Variants in ERC1 observed in about 807,000 individuals in gnomAD.
ERC1 encodes the protein RAB6 interacting protein 2.
A neutral mutation model predicts 132.0 loss-of-function variants in ERC1; 56 were observed. The observed-to-expected ratio is 0.42, with a 90% confidence interval of 0.34 to 0.53. The LOEUF (loss-of-function observed/expected upper bound fraction) is 0.53, where lower values mean the gene tolerates loss of function less well. Among genes scored for constraint, ERC1 ranks in the 20% least tolerant of loss-of-function variants. ERC1 has a pLI of 0.03. For synonymous variants in ERC1, 478 were observed against 476.1 expected, an observed-to-expected ratio of 1.00 and a Z score of -0.05; for missense variants, 1,202 against 1,349.9, an observed-to-expected ratio of 0.89 and a Z score of 1.72.
At chr12:1,489,902 GACTA>G (rs1330871793) in intron 18 of ERC1, among the ~76,000 whole-genome samples, 187 bp from the exon 19 acceptor site, 1 of 152,180 alleles carries the variant, frequency 6.6e-6, no homozygotes, top group African/African-American at 2.4e-5. Context: ...TAGAACCAGT[GACTA>G]ACTTTTTGGG....
chr12:1,485,370 A>C (rs1428117210), intron 18 of ERC1, among the ~76,000 whole-genome samples: 1 of 150,404 alleles, frequency 6.6e-6, no homozygotes, highest in African/African-American at 2.5e-5. Flanking sequence ...ACGCCTGGCT[A>C]GTTTTTGTAT....
At chr12:1,312,710 C>T (rs1323461308) in intron 15 of ERC1, among the ~76,000 whole-genome samples, 1 of 152,122 alleles carries the variant, frequency 6.6e-6, no homozygotes, top group East Asian at 1.9e-4. Context: ...TTGGTTGATT[C>T]TTACCTCACT....
intron 12 of ERC1, 63 bp downstream of exon 12, chr12:1,190,115 G>C (rs1399863428): frequency 1.4e-6 from 2 of 1,395,342 alleles, no homozygotes; most frequent in Admixed American, 1.7e-5. Context: ...GTATGCTTTT[G>C]GGGACATACT....
At chr12:994,309 G>A (rs1960339618) in intron 1 of ERC1, among the ~76,000 whole-genome samples, 1 of 152,000 alleles carries the variant, frequency 6.6e-6, no homozygotes, top group African/African-American at 2.4e-5. Context: ...CAGATTATGT[G>A]GAATATAATT....
intron 15 of ERC1, among the ~76,000 whole-genome samples, chr12:1,323,264 A>G (rs2082236181): frequency 6.6e-6 from 1 of 152,168 alleles, no homozygotes; most frequent in Non-Finnish European, 1.5e-5. Context: ...TGGGGAAAAA[A>G]AAAGGCTACA....
intron 1 of ERC1, among the ~76,000 whole-genome samples, chr12:999,609 ATTTTTTTT>A (rs10661786): frequency 9.7e-6 from 1 of 102,950 alleles, no homozygotes; most frequent in African/African-American, 4.0e-5. Flanking sequence ...GTGCTAGGTG[ATTTTTTTT>A]TTTTTTTTTT....
intron 15 of ERC1, among the ~76,000 whole-genome samples, chr12:1,324,308 T>C (rs2082309312): frequency 6.6e-6 from 1 of 152,168 alleles, no homozygotes; most frequent in Admixed American, 6.5e-5. Context: ...CTCCAAAGTC[T>C]ACCCTAGGAG....
intron 13 of ERC1, among the ~76,000 whole-genome samples, chr12:1,247,700 G>A (rs2076240076): frequency 6.6e-6 from 1 of 152,114 alleles, no homozygotes; most frequent in Non-Finnish European, 1.5e-5. Flanking sequence ...GTTTAATTAG[G>A]AATGTAGCTG....
chr12:1,178,219 T>G (rs753483150), intron 8 of ERC1, among the ~76,000 whole-genome samples: 10 of 152,220 alleles, frequency 6.6e-5, no homozygotes, highest in Admixed American at 1.3e-4. Context: ...TTGTACTAAA[T>G]TTATTAATGT....
chr12:1,224,899 G>A (rs943038409), intron 12 of ERC1, among the ~76,000 whole-genome samples: 1 of 152,020 alleles, frequency 6.6e-6, no homozygotes, highest in Non-Finnish European at 1.5e-5. Context: ...GCTGACATAG[G>A]ACGATCATTT....
chr12:1,194,668 G>A (rs1443124112), intron 12 of ERC1, among the ~76,000 whole-genome samples: 2 of 152,096 alleles, frequency 1.3e-5, no homozygotes, highest in Non-Finnish European at 2.9e-5. Flanking sequence ...GATTCACAGA[G>A]TTTAGTGTTT....
intron 16 of ERC1, chr12:1,381,322 A>G (rs2088630280): frequency 6.6e-6 from 1 of 152,188 alleles, no homozygotes; most frequent in African/African-American, 2.4e-5. Context: ...TTCAGTCTAT[A>G]ATAATTCAAC....
At chr12:1,187,967 C>A (rs1007585551) in intron 11 of ERC1, among the ~76,000 whole-genome samples, 2 of 152,198 alleles carry the variant, frequency 1.3e-5, no homozygotes, top group African/African-American at 4.8e-5. Context: ...GCGACACTTT[C>A]TAAGCTGAGA....
At position 1,424,862 on chromosome 12, in the gene ERC1, A is replaced by C. The variant is rs1471422931; in HGVS notation, c.3024+16615A>C. 1.6e-3 allele frequency among the ~76,000 whole-genome samples: 156 copies of C among 97,400 alleles called. 1 individual carries two copies. Among genetic ancestry groups the C allele is most frequent in the African/African-American group, 6.5e-3 (141 of 21,604 alleles). The allele number at this position is 97,400 out of a possible 152,430, so 63.9% of individuals were successfully genotyped here. ...AGATAGATGATAGATAGATAGATAG[A>C]TCGATAGATAGATAGATAGATAGAT... is the stretch of plus-strand genomic sequence containing the variant. On this transcript the variant is annotated intron_variant, in intron 17 of 18. Transcript: ENST00000360905.
At position 1,068,076 on chromosome 12, in the gene ERC1, C is replaced by T. The variant is rs796724586; in HGVS notation, c.670-15088C>T. 2.7e-4 allele frequency among the ~76,000 whole-genome samples: 41 copies of T among 151,786 alleles called. 1 individual carries two copies. Among genetic ancestry groups the T allele is most frequent in the African/African-American group, 9.2e-4 (38 of 41,420 alleles). Reference sequence around the variant, plus strand: ...CCTCCCAAGTAGCTGGGACTATAGGCGCCCACCACCAAGCCCAGCTAATTT... The same window carrying T: ...CCTCCCAAGTAGCTGGGACTATAGGTGCCCACCACCAAGCCCAGCTAATTT... On this transcript the variant is annotated intron_variant, in intron 2 of 18. Coordinates refer to ENST00000360905, the MANE Select transcript of ERC1 (RefSeq NM_178040.4).
At chr12:1,001,523 G>C (rs114974284) in intron 1 of ERC1, among the ~76,000 whole-genome samples, 4,626 of 152,248 alleles carry the variant, frequency 0.03, 89 homozygotes, top group Middle Eastern at 0.065. Context: ...TCACAACCCA[G>C]TCCTTCTCTC....
intron 13 of ERC1, among the ~76,000 whole-genome samples, chr12:1,243,019 C>T (rs11061672): frequency 6.6e-6 from 1 of 151,160 alleles, no homozygotes; most frequent in Non-Finnish European, 1.5e-5. Flanking sequence ...AACCCCGTCT[C>T]TACTAAAAAT....
Position 1,304,659 on chromosome 12 carries a change from G to A in ERC1, c.2780+14647G>A, listed in dbSNP as rs74057112. Reference sequence around the variant, plus strand: ...AGGGAGAAAGAATATTGGTTGATCTGGAGAGTCTGATAATTGGCATTCTGT... The same window carrying A: ...AGGGAGAAAGAATATTGGTTGATCTAGAGAGTCTGATAATTGGCATTCTGT... On this transcript the variant is annotated intron_variant, in intron 15 of 18. Coordinates refer to ENST00000360905, the MANE Select transcript of ERC1 (RefSeq NM_178040.4). Among the ~76,000 whole-genome samples the A allele has an allele frequency of 6.8e-3, 1,028 of 152,128 alleles. 11 individuals carry two copies. The highest frequency in any genetic ancestry group is 0.024 in the African/African-American group (981 of 41,490).
intron 12 of ERC1, among the ~76,000 whole-genome samples, chr12:1,230,949 G>A (rs1566321053): frequency 6.6e-6 from 1 of 152,026 alleles, no homozygotes; most frequent in Non-Finnish European, 1.5e-5. Flanking sequence ...GCCTGTGTGT[G>A]TCCTTACAGC....
Sources: allele counts gnomAD v4.1 joint callset (sites outside exome capture counted in the v4.1 genomes callset), GRCh38; gene constraint gnomAD v4.1.1; transcripts MANE v1.5; gene names NCBI Gene and HGNC (gene_info 2026-07-23, HGNC 2026-07-21).